The following LTBP2 variants were observed in gnomAD, a reference collection of about 807,000 sequenced individuals.
LTBP2 encodes latent-transforming growth factor beta-binding protein 2.
Under a neutral mutation model 210.6 loss-of-function variants are expected in LTBP2, and 103 were observed. The observed-to-expected ratio is 0.49, with a 90% CI of 0.42 to 0.58. The LOEUF (loss-of-function observed/expected upper bound fraction) is 0.58. LTBP2 is among the 20% of genes least tolerant of loss of function. The probability of loss-of-function intolerance (pLI) is 0.00; values close to 1 mark genes in which losing one functional copy is unlikely to be tolerated. For missense variants in LTBP2, 2,313 were observed against 2,494.5 expected, an observed-to-expected ratio of 0.93 and a Z score of 1.55; for synonymous variants, 1,007 against 1,015.0, an observed-to-expected ratio of 0.99 and a Z score of 0.15.
rs1233671020 is a variant in LTBP2, at chr14:74,525,116, G to A, written c.2530+8C>T. On this transcript the variant is annotated splice_region_variant and intron_variant, in intron 15 of 35. Coordinates refer to ENST00000261978, the MANE Select transcript of LTBP2 (RefSeq NM_000428.3). ...TGCAGGGAGCCCCAAAGGTCTGGCT[G>A]CAGCTACCTGGGGTGCTCAGGGTCA... The A allele has an allele frequency of 1.5e-6, 2 of 1,318,680 alleles. No homozygotes were observed. The highest frequency in any genetic ancestry group is 2.0e-6 in the Non-Finnish European group (2 of 1,021,834). The allele number at this position is 1,318,680 out of a possible 1,614,324, so 81.7% of individuals were successfully genotyped here.
chr14:74,566,690 T>A (rs1566642250), intron 3 of LTBP2, among the ~76,000 whole-genome samples: 1 of 152,192 alleles, frequency 6.6e-6, no homozygotes, highest in Non-Finnish European at 1.5e-5. Flanking sequence ...GGCACGCTGA[T>A]AGGGCATCAT....
chr14:74,582,397 TACACACACACAC>T (rs58985238), intron 3 of LTBP2, among the ~76,000 whole-genome samples: 25 of 140,832 alleles, frequency 1.8e-4, no homozygotes, highest in South Asian at 2.4e-4. Context: ...CACACATACA[TACACACACACAC>T]ACACACACAC....
chr14:74,524,314 G>A (rs2087243483), intron 15 of LTBP2, among the ~76,000 whole-genome samples: 1 of 152,122 alleles, frequency 6.6e-6, no homozygotes, highest in South Asian at 2.1e-4. Flanking sequence ...TGCCTGGGAA[G>A]GCTGGACCCC....
chr14:74,530,077 C>A (rs550017036), intron 10 of LTBP2, among the ~76,000 whole-genome samples: 1 of 152,340 alleles, frequency 6.6e-6, no homozygotes, highest in Admixed American at 6.5e-5. Flanking sequence ...GATTCCATCG[C>A]AGGGGACACC....
rs375904319 is a variant in LTBP2, at chr14:74,611,828, G to C, written c.117C>G (p.Pro39=). The C allele has an allele frequency of 3.1e-6, 5 of 1,611,596 alleles. No homozygotes were observed. Among genetic ancestry groups the C allele is most frequent in the Non-Finnish European group, 4.2e-6 (5 of 1,179,634 alleles). The change falls in exon 1 of 36, where the codon CCC becomes CCG. Residue 39 remains proline (P), a synonymous_variant. Coordinates refer to ENST00000261978, the MANE Select transcript of LTBP2 (RefSeq NM_000428.3). ...CACCAGCCGGCTCGTATCTCCCTAC[G>C]GGGTCCCTTTGGGCATGACCCGCGC... The part of the protein sequence containing the change: ...FVGAGHAQRD[P]VGRYEPAGGD...
chr14:74,593,354 G>A (rs923938909), intron 2 of LTBP2, among the ~76,000 whole-genome samples: 1 of 152,206 alleles, frequency 6.6e-6, no homozygotes, highest in Non-Finnish European at 1.5e-5. Flanking sequence ...TCGGGGGCAG[G>A]AGGATTGGTT....
rs886227671 is a variant in LTBP2 at position 74,509,040 on chromosome 14, A to G, written c.3404-88T>C. On this transcript the variant is annotated intron_variant, in intron 22 of 35. Transcript: ENST00000261978. ...GGGGGAAGTCTCCAGAGGACCTGTC[A>G]CCTGCCTGCAGAGCTGGACCCACGG... 2.9e-5 allele frequency: 46 copies of G among 1,591,726 alleles called. No homozygotes were observed. In the Admixed American group the frequency reaches 7.7e-4, roughly 27 times the overall value.
At chr14:74,545,081 C>T (rs995709595) in intron 8 of LTBP2, among the ~76,000 whole-genome samples, 2 of 152,258 alleles carry the variant, frequency 1.3e-5, no homozygotes. Context: ...AATCTTGACG[C>T]GCATCCTCTT....
At chr14:74,554,912 A>C (rs1415928338) in intron 4 of LTBP2, among the ~76,000 whole-genome samples, 1 of 148,094 alleles carries the variant, frequency 6.8e-6, no homozygotes, top group African/African-American at 2.5e-5. Context: ...CAGGAAGTTG[A>C]GGAGCTCTCT....
intron 9 of LTBP2, among the ~76,000 whole-genome samples, chr14:74,534,985 G>T (rs1006150262): frequency 1.3e-5 from 2 of 152,086 alleles, no homozygotes; most frequent in African/African-American, 4.8e-5. Flanking sequence ...AGCAACTGGT[G>T]ACTGTTTAGA....
At chr14:74,581,208 C>T (rs764994541) in intron 3 of LTBP2, among the ~76,000 whole-genome samples, 3 of 152,164 alleles carry the variant, frequency 2.0e-5, no homozygotes, top group Non-Finnish European at 4.4e-5. Flanking sequence ...GACAAGGGTC[C>T]CAGTTGGAAT....
intron 3 of LTBP2, among the ~76,000 whole-genome samples, chr14:74,557,736 T>C (rs1253137854): frequency 2.0e-5 from 3 of 152,218 alleles, no homozygotes; most frequent in African/African-American, 7.2e-5. Flanking sequence ...TATACGACAG[T>C]GTCTGGACTG....
intron 3 of LTBP2, among the ~76,000 whole-genome samples, chr14:74,582,191 C>A (rs1321198159): frequency 1.3e-5 from 2 of 151,808 alleles, no homozygotes; most frequent in Non-Finnish European, 2.9e-5. Flanking sequence ...TAGAGCAAAC[C>A]CAGTGGAGGT....
intron 16 of LTBP2, 36 bp from the exon 17 acceptor site, chr14:74,522,075 G>T: frequency 6.3e-7 from 1 of 1,594,904 alleles, no homozygotes; most frequent in Non-Finnish European, 8.5e-7. Flanking sequence ...GGTCAGGGGG[G>T]CCAGCGGTGC....
chr14:74,554,186 C>T (rs1419241330), intron 4 of LTBP2, among the ~76,000 whole-genome samples: 1 of 152,104 alleles, frequency 6.6e-6, no homozygotes, highest in African/African-American at 2.4e-5. Flanking sequence ...ATACACACAG[C>T]AACATGGATA....
At chr14:74,597,212 G>A (rs958511879) in intron 2 of LTBP2, among the ~76,000 whole-genome samples, 4 of 152,210 alleles carry the variant, frequency 2.6e-5, no homozygotes, top group Non-Finnish European at 4.4e-5. Flanking sequence ...CAGGCAGAGT[G>A]AGCCCCGGGC....
At chr14:74,505,910 C>T (rs1313848943) in intron 28 of LTBP2, 138 bp downstream of exon 28, 20 of 1,223,728 alleles carry the variant, frequency 1.6e-5, no homozygotes, top group Non-Finnish European at 2.2e-5. Context: ...CACCAGGCCC[C>T]GCCTGCACCT....
In LTBP2 at chr14:74,505,204, G is replaced by A. The variant is rs768785746; in HGVS notation, c.4178-30C>T. The A allele has an allele frequency of 3.7e-6, 6 of 1,607,096 alleles. No individual in the cohort carries two copies. The African/African-American group carries it at 6.7e-5, about 18-fold the overall frequency. ...GCGTGACAGATGCTCATTACTGTCTGTTCATGACCCTCTAAGGGGGGTCAA... is the reference window on the plus strand; with the variant it reads ...GCGTGACAGATGCTCATTACTGTCTATTCATGACCCTCTAAGGGGGGTCAA... On this transcript the variant is annotated intron_variant, in intron 28 of 35. Coordinates refer to ENST00000261978, the MANE Select transcript of LTBP2 (RefSeq NM_000428.3).
intron 33 of LTBP2, 99 bp downstream of exon 33, chr14:74,503,120 T>C (rs1216907186): frequency 1.3e-6 from 2 of 1,557,512 alleles, no homozygotes; most frequent in Non-Finnish European, 1.8e-6. Flanking sequence ...GGGCCTTTGC[T>C]CTGCTCCTTC....
Sources: allele counts gnomAD v4.1 joint callset (sites outside exome capture counted in the v4.1 genomes callset), GRCh38; gene constraint gnomAD v4.1.1; transcripts MANE v1.5; gene names NCBI Gene and HGNC (gene_info 2026-07-23, HGNC 2026-07-21).